The following INSC variants were observed in gnomAD, a reference collection of about 807,000 sequenced individuals.
INSC encodes the protein protein inscuteable homolog.
Under a neutral mutation model 58.6 loss-of-function variants are expected in INSC, and 67 were observed. The ratio of observed to expected loss-of-function variants is 1.14; its 90% CI spans 0.94 to 1.40. INSC has a LOEUF of 1.40. Ranked by LOEUF, INSC falls within the 40% of genes most tolerant of loss-of-function variation. INSC has a pLI of 0.00. For synonymous variants in INSC, 262 were observed against 276.1 expected (o/e 0.95, Z 0.51); for missense variants, 714 against 692.0 (o/e 1.03, Z -0.36).
chr11:15,256,787 C>T, the INSC span, among the ~76,000 whole-genome samples: 1 of 152,234 alleles, frequency 6.6e-6, no homozygotes, highest in South Asian at 2.1e-4. Flanking sequence ...TGCACCTGGC[C>T]TGCAAGGTTG....
intron 6 of INSC, among the ~76,000 whole-genome samples, chr11:15,194,539 C>T (rs577661037): frequency 1.7e-4 from 26 of 152,290 alleles, no homozygotes; most frequent in Admixed American, 7.2e-4. Context: ...TATTAGAGCA[C>T]GGTAAATGCT....
the INSC span, among the ~76,000 whole-genome samples, chr11:15,258,114 A>T: frequency 1.3e-5 from 2 of 152,216 alleles, no homozygotes; most frequent in Admixed American, 6.5e-5. Context: ...GGTAGTAGAC[A>T]TACGGGTGTT....
intron 7 of INSC, among the ~76,000 whole-genome samples, chr11:15,217,931 G>C (rs1851282546): frequency 6.6e-6 from 1 of 152,160 alleles, no homozygotes; most frequent in South Asian, 2.1e-4. Flanking sequence ...TGTATTGCTG[G>C]TGGGAATAAA....
At chr11:15,262,311 T>G in the INSC span, among the ~76,000 whole-genome samples, 1 of 152,016 alleles carries the variant, frequency 6.6e-6, no homozygotes, top group African/African-American at 2.4e-5. Flanking sequence ...TAAAAAACCA[T>G]GAACCAAGCA....
chr11:15,219,384 G>A (rs969457726), intron 7 of INSC, among the ~76,000 whole-genome samples: 2 of 152,138 alleles, frequency 1.3e-5, no homozygotes, highest in African/African-American at 2.4e-5. Context: ...CCTCTGTAGA[G>A]CATCTTCATT....
At chr11:15,231,530 C>T (rs935582635) in intron 9 of INSC, among the ~76,000 whole-genome samples, 1 of 152,256 alleles carries the variant, frequency 6.6e-6, no homozygotes, top group African/African-American at 2.4e-5. Flanking sequence ...TTGCTAGAGG[C>T]TGAAAATTAT....
At chr11:15,168,455 G>A (rs1849278679) in intron 2 of INSC, among the ~76,000 whole-genome samples, 1 of 152,132 alleles carries the variant, frequency 6.6e-6, no homozygotes, top group African/African-American at 2.4e-5. Context: ...TCTTAGCATG[G>A]TGCTCAATGC....
the INSC span, among the ~76,000 whole-genome samples, chr11:15,265,856 T>A: frequency 7.9e-5 from 12 of 151,540 alleles, no homozygotes; most frequent in Admixed American, 3.3e-4. Context: ...CTTTTAATCT[T>A]TCTGTATCCT....
chr11:15,122,249 G>C (rs1341451088), intron 1 of INSC, among the ~76,000 whole-genome samples: 1 of 152,208 alleles, frequency 6.6e-6, no homozygotes, highest in Non-Finnish European at 1.5e-5. Context: ...TGGGTGGTTA[G>C]AAATGGCCTC....
intron 2 of INSC, among the ~76,000 whole-genome samples, chr11:15,158,444 T>C (rs1371379574): frequency 6.6e-6 from 1 of 152,124 alleles, no homozygotes; most frequent in Non-Finnish European, 1.5e-5. Context: ...GTCTCCCCTA[T>C]GTGGAAGTCT....
At chr11:15,144,535 C>T (rs1848447653) in intron 1 of INSC, among the ~76,000 whole-genome samples, 1 of 152,200 alleles carries the variant, frequency 6.6e-6, no homozygotes, top group South Asian at 2.1e-4. Context: ...AGCCTCCTCC[C>T]TGTTCCTAGA....
At chr11:15,228,134 G>T (rs1851711487) in intron 9 of INSC, among the ~76,000 whole-genome samples, 5 of 152,166 alleles carry the variant, frequency 3.3e-5, no homozygotes, top group Admixed American at 3.3e-4. Context: ...TAAATCAATG[G>T]AAGCCACTGT....
intron 9 of INSC, among the ~76,000 whole-genome samples, chr11:15,227,649 C>G (rs1202933050): frequency 6.6e-6 from 1 of 152,142 alleles, no homozygotes; most frequent in Non-Finnish European, 1.5e-5. Flanking sequence ...AAAGTGGTGA[C>G]CCCCTGGTTG....
intron 7 of INSC, among the ~76,000 whole-genome samples, chr11:15,201,332 T>C (rs1385458494): frequency 1.3e-5 from 2 of 152,066 alleles, no homozygotes; most frequent in African/African-American, 4.8e-5. Context: ...ATCCAGATCC[T>C]GGGAGCATTG....
chr11:15,209,622 C>T (rs889418667), intron 7 of INSC, among the ~76,000 whole-genome samples: 7 of 152,110 alleles, frequency 4.6e-5, no homozygotes, highest in Non-Finnish European at 7.4e-5. Flanking sequence ...ACTATCTCAC[C>T]CACTTCTTTA....
At chr11:15,170,365 A>T (rs754843974) in intron 2 of INSC, among the ~76,000 whole-genome samples, 1 of 152,024 alleles carries the variant, frequency 6.6e-6, no homozygotes, top group Admixed American at 6.6e-5. Context: ...CCTCTGTTCT[A>T]TGACAGTTTT....
chr11:15,229,022 C>T (rs1851747014), intron 9 of INSC, among the ~76,000 whole-genome samples: 1 of 152,128 alleles, frequency 6.6e-6, no homozygotes, highest in South Asian at 2.1e-4. Flanking sequence ...AGCCATACTG[C>T]CCATAGAATC....
At chr11:15,203,000 G>C (rs1270189789) in intron 7 of INSC, among the ~76,000 whole-genome samples, 1 of 152,220 alleles carries the variant, frequency 6.6e-6, no homozygotes, top group African/African-American at 2.4e-5. Context: ...TTTTGTGCCA[G>C]GTGCTGAGAT....
At chr11:15,207,667 G>C (rs1850859380) in intron 7 of INSC, among the ~76,000 whole-genome samples, 2 of 152,232 alleles carry the variant, frequency 1.3e-5, no homozygotes, top group African/African-American at 4.8e-5. Context: ...GGGAGGCTCT[G>C]TGGCCCCAGC....
Sources: allele counts gnomAD v4.1 joint callset (sites outside exome capture counted in the v4.1 genomes callset), GRCh38; gene constraint gnomAD v4.1.1; transcripts MANE v1.5; gene names NCBI Gene and HGNC (gene_info 2026-07-23, HGNC 2026-07-21).